SYNPR: variants seen among roughly 807,000 people sequenced by gnomAD.
SYNPR encodes synaptoporin.
Under a neutral mutation model 32.9 loss-of-function variants are expected in SYNPR, and 23 were observed. That is an observed-to-expected ratio of 0.70 (90% CI 0.50 to 0.99). The LOEUF (loss-of-function observed/expected upper bound fraction) is 0.99, where lower values mean the gene tolerates loss of function less well. Ranked by LOEUF, SYNPR falls within the 50% of genes least tolerant of loss-of-function variation. The pLI is 0.00. For synonymous variants in SYNPR, 146 were observed against 135.9 expected (o/e 1.07, Z -0.52); for missense variants, 318 against 349.3 (o/e 0.91, Z 0.71).
chr3:63,463,587 G>C (rs1700626041), intron 2 of SYNPR, among the ~76,000 whole-genome samples: 1 of 152,128 alleles, frequency 6.6e-6, no homozygotes, highest in East Asian at 1.9e-4. Flanking sequence ...TGAGGTCCTT[G>C]AATCTCTGGG....
chr3:63,415,234 A>G (rs1338362714), intron 2 of SYNPR, among the ~76,000 whole-genome samples: 1 of 152,228 alleles, frequency 6.6e-6, no homozygotes, highest in Non-Finnish European at 1.5e-5. Flanking sequence ...CTCACAACAC[A>G]GCATTCAACA....
intron 3 of SYNPR, among the ~76,000 whole-genome samples, chr3:63,483,956 A>T (rs1038982738): frequency 6.6e-6 from 1 of 152,208 alleles, no homozygotes; most frequent in East Asian, 1.9e-4. Flanking sequence ...GAGCAAAAGG[A>T]CAATAAACTC....
chr3:63,486,953 A>G (rs866851022), intron 3 of SYNPR, among the ~76,000 whole-genome samples: 7 of 152,256 alleles, frequency 4.6e-5, no homozygotes, highest in African/African-American at 1.7e-4. Flanking sequence ...GAGGTGCTGC[A>G]TGGGGCCTCT....
intron 2 of SYNPR, among the ~76,000 whole-genome samples, chr3:63,332,208 G>A (rs2087238307): frequency 6.6e-6 from 1 of 152,114 alleles, no homozygotes; most frequent in Admixed American, 6.5e-5. Flanking sequence ...CCCTGGGCTT[G>A]GCTTTCTCTT....
chr3:63,228,473 G>A (rs977763515), intron 1 of SYNPR: 1 of 152,116 alleles, frequency 6.6e-6, no homozygotes, highest in Non-Finnish European at 1.5e-5. Context: ...AATTAATTGA[G>A]TTTGCTTCTG....
At chr3:63,253,645 A>G (rs1364758407) in intron 2 of SYNPR, among the ~76,000 whole-genome samples, 2 of 152,200 alleles carry the variant, frequency 1.3e-5, no homozygotes, top group African/African-American at 4.8e-5. Flanking sequence ...TAGAATGGCG[A>G]TCATTAAAAA....
At chr3:63,479,976 T>C (rs556552794) in intron 2 of SYNPR, among the ~76,000 whole-genome samples, 2 of 152,192 alleles carry the variant, frequency 1.3e-5, no homozygotes, top group Non-Finnish European at 2.9e-5. Flanking sequence ...TAGTGTTAGG[T>C]GCATTTGATC....
At chr3:63,306,358 C>T (rs547669541) in intron 2 of SYNPR, among the ~76,000 whole-genome samples, 8 of 151,962 alleles carry the variant, frequency 5.3e-5, no homozygotes, top group African/African-American at 1.4e-4. Flanking sequence ...GAATTTAAAG[C>T]AATCCTGTGG....
intron 3 of SYNPR, among the ~76,000 whole-genome samples, chr3:63,268,074 A>G (rs2086505638): frequency 6.6e-6 from 1 of 152,204 alleles, no homozygotes; most frequent in South Asian, 2.1e-4. Flanking sequence ...TCTTAATGGA[A>G]AAAAGCAAGC....
intron 1 of SYNPR, among the ~76,000 whole-genome samples, chr3:63,245,721 GTGTGTGTGTGTGTGTGTGTA>G (rs60780978): frequency 0.064 from 6,604 of 102,772 alleles, 130 homozygotes; most frequent in African/African-American, 0.073. Context: ...GTGTGTGTGT[GTGTGTGTGTGTGTGTGTGTA>G]TGTGTGTGTG....
At chr3:63,415,058 A>G (rs1265930447) in intron 2 of SYNPR, among the ~76,000 whole-genome samples, 1 of 152,240 alleles carries the variant, frequency 6.6e-6, no homozygotes, top group Non-Finnish European at 1.5e-5. Context: ...AAATTACATA[A>G]ACTTAAAATT....
chr3:63,606,175 G>A (rs1700116308), intron 4 of SYNPR, among the ~76,000 whole-genome samples: 1 of 152,104 alleles, frequency 6.6e-6, no homozygotes. Flanking sequence ...TCAAAGTAAG[G>A]ACTAAAACCC....
At chr3:63,378,042 T>C (rs892338357) in intron 2 of SYNPR, among the ~76,000 whole-genome samples, 33 of 152,026 alleles carry the variant, frequency 2.2e-4, no homozygotes, top group African/African-American at 7.5e-4. Context: ...GAAAATTGTA[T>C]AATATAGTGA....
rs192754945 is a variant in SYNPR, at chr3:63,255,094, C to T, written n.154+2508C>T. Among the ~76,000 whole-genome samples, 198 of 152,240 alleles carry T rather than the reference C, an allele frequency of 1.3e-3. 1 individual carries two copies. The highest frequency in any genetic ancestry group is 4.7e-3 in the African/African-American group (194 of 41,520). ...TATGGCAGCCCTTGTTGGTTTTTAC[C>T]CACTGGGTGATAGTAGCACACCTTC... On this transcript the variant is annotated intron_variant and non_coding_transcript_variant, in intron 2 of 4. Transcript: ENST00000478456.
At chr3:63,238,637 A>G (rs2106878563) in intron 1 of SYNPR, among the ~76,000 whole-genome samples, 1 of 152,308 alleles carries the variant, frequency 6.6e-6, no homozygotes, top group Admixed American at 6.5e-5. Context: ...TAGTGCTACT[A>G]AATTAATTCT....
chr3:63,539,729 C>T (rs910605743), intron 3 of SYNPR, among the ~76,000 whole-genome samples: 6 of 151,994 alleles, frequency 3.9e-5, no homozygotes, highest in African/African-American at 1.4e-4. Context: ...ATGGGGTAAG[C>T]GAGACAGAGA....
At chr3:63,219,468 CA>C in the SYNPR span, among the ~76,000 whole-genome samples, 1 of 152,016 alleles carries the variant, frequency 6.6e-6, no homozygotes, top group African/African-American at 2.4e-5. Flanking sequence ...TAAGTACAAA[CA>C]GAAATATACA....
chr3:63,223,308 A>G, the SYNPR span, among the ~76,000 whole-genome samples: 4 of 151,850 alleles, frequency 2.6e-5, no homozygotes, highest in Admixed American at 2.6e-4. Flanking sequence ...TTTGGACATC[A>G]ATCTCCAGTA....
At chr3:63,258,404 A>T (rs2086407047) in intron 2 of SYNPR, among the ~76,000 whole-genome samples, 1 of 152,244 alleles carries the variant, frequency 6.6e-6, no homozygotes, top group African/African-American at 2.4e-5. Context: ...ACTAGAACTC[A>T]GGATTAAGAA....
Sources: gnomAD v4.1 joint callset for allele counts (sites outside exome capture counted in the v4.1 genomes callset) on GRCh38, gnomAD v4.1.1 for gene constraint, MANE v1.5 for transcripts, NCBI Gene and HGNC (gene_info 2026-07-23, HGNC 2026-07-21) for gene names.